ACCSL: variants seen among roughly 807,000 people sequenced by gnomAD.
ACCSL encodes probable inactive 1-aminocyclopropane-1-carboxylate synthase-like protein 2.
In ACCSL, 55 loss-of-function variants were observed where a neutral mutation model predicts 61.7. The observed-to-expected ratio is 0.89, with a 90% CI of 0.72 to 1.12. ACCSL has a LOEUF of 1.12. ACCSL is among the 50% of genes most tolerant of loss of function. The probability of loss-of-function intolerance (pLI) is 0.00; values close to 1 mark genes in which losing one functional copy is unlikely to be tolerated. For synonymous variants in ACCSL, 258 were observed against 264.3 expected (o/e 0.98, Z 0.23); for missense variants, 632 against 698.0 (o/e 0.91, Z 1.07).
the ACCSL span, among the ~76,000 whole-genome samples, chr11:43,922,738 C>T: frequency 1.3e-5 from 2 of 152,066 alleles, no homozygotes; most frequent in East Asian, 3.9e-4. Context: ...GGTCCTTTCT[C>T]ACCTCATTCT....
At chr11:44,000,725 A>AAAAGGAAGAAAGAAAGAAAG in the ACCSL span, among the ~76,000 whole-genome samples, 46 of 146,812 alleles carry the variant, frequency 3.1e-4, 1 homozygote, top group Middle Eastern at 6.9e-3. Context: ...TCTGCCTCAA[A>AAAAGGAAGAAAGAAAGAAAG]AAAGAAAGAA....
chr11:43,943,283 CCCGCGGGGGGGACGCGCGCGTCCGCGGT>C, the ACCSL span: 1 of 1,481,190 alleles, frequency 6.8e-7, no homozygotes, highest in African/African-American at 1.5e-5. The surrounding 1 kb of genome is among the most constrained non-coding windows in gnomAD (Gnocchi z 4.8). Context: ...AGGGGCGCCG[CCCGCGGGGGGGACGCGCGCGTCCGCGGT>C]CCGCGCGGGG....
chr11:43,996,711 C>T, the ACCSL span, among the ~76,000 whole-genome samples: 4 of 152,098 alleles, frequency 2.6e-5, no homozygotes, highest in African/African-American at 9.7e-5. Context: ...GAACCTCATT[C>T]CAGATGTTTC....
At chr11:43,943,608 G>T in the ACCSL span, 1 of 1,307,624 alleles carries the variant, frequency 7.6e-7, no homozygotes, top group Non-Finnish European at 1.0e-6. This position sits in a 1 kb window ranked among gnomAD's most constrained non-coding sequence, Gnocchi z 4.8. Context: ...GCCCTTGTCC[G>T]ATGGTTTGCA....
the ACCSL span, among the ~76,000 whole-genome samples, chr11:43,968,019 C>T: frequency 6.6e-6 from 1 of 152,152 alleles, no homozygotes; most frequent in East Asian, 1.9e-4. Context: ...GGTTCTCAAC[C>T]AGGGGCAATT....
At chr11:43,957,156 G>C in the ACCSL span, among the ~76,000 whole-genome samples, 1 of 152,188 alleles carries the variant, frequency 6.6e-6, no homozygotes, top group Non-Finnish European at 1.5e-5. Flanking sequence ...TACAGCCTCA[G>C]GAGAGCCTGA....
intron 1 of ACCSL, among the ~76,000 whole-genome samples, chr11:44,049,375 G>A (rs1052612843): frequency 2.8e-5 from 4 of 141,682 alleles, no homozygotes; most frequent in East Asian, 2.1e-4. Flanking sequence ...AGCTGAGATC[G>A]CGCCACTGCA....
At chr11:43,997,835 G>C in the ACCSL span, among the ~76,000 whole-genome samples, 1 of 152,204 alleles carries the variant, frequency 6.6e-6, no homozygotes, top group Non-Finnish European at 1.5e-5. Context: ...AGCAGCAGCA[G>C]CTCTGCGGTC....
chr11:43,996,998 A>G, the ACCSL span, among the ~76,000 whole-genome samples: 2 of 151,716 alleles, frequency 1.3e-5, no homozygotes, highest in Non-Finnish European at 2.9e-5. Context: ...TTTTTAGTAG[A>G]GACAGTTTCG....
the ACCSL span, among the ~76,000 whole-genome samples, chr11:44,016,188 G>A: frequency 3.9e-5 from 6 of 152,190 alleles, no homozygotes; most frequent in South Asian, 2.1e-4. Flanking sequence ...CTTTGGTACC[G>A]GTGGCTCAAT....
chr11:43,955,612 G>T, the ACCSL span, among the ~76,000 whole-genome samples: 4 of 152,092 alleles, frequency 2.6e-5, no homozygotes, highest in African/African-American at 9.7e-5. Flanking sequence ...AGGACTGGTG[G>T]GTGGGGTTCA....
At chr11:44,028,077 G>A in the ACCSL span, among the ~76,000 whole-genome samples, 1 of 152,054 alleles carries the variant, frequency 6.6e-6, no homozygotes, top group Admixed American at 6.6e-5. Flanking sequence ...CTAAAGGGAA[G>A]ATTGCCTGAG....
the ACCSL span, chr11:43,973,845 C>A: frequency 9.2e-5 from 14 of 152,132 alleles, no homozygotes; most frequent in Admixed American, 2.6e-4. Flanking sequence ...TTAAATGCAA[C>A]CCCCAACTCT....
At chr11:44,015,124 G>A in the ACCSL span, among the ~76,000 whole-genome samples, 4 of 152,228 alleles carry the variant, frequency 2.6e-5, no homozygotes, top group African/African-American at 7.2e-5. Flanking sequence ...AACACTCAGT[G>A]GCCAGCTAAT....
At chr11:44,015,607 G>A in the ACCSL span, among the ~76,000 whole-genome samples, 3 of 152,228 alleles carry the variant, frequency 2.0e-5, no homozygotes, top group Non-Finnish European at 2.9e-5. Context: ...CTAAGAGCCA[G>A]ACTAGTGGTG....
At chr11:43,937,529 C>A in the ACCSL span, among the ~76,000 whole-genome samples, 1 of 152,178 alleles carries the variant, frequency 6.6e-6, no homozygotes, top group South Asian at 2.1e-4. Flanking sequence ...CTAGAAACAT[C>A]CTTCTCTTGG....
the ACCSL span, among the ~76,000 whole-genome samples, chr11:43,971,056 G>A: frequency 3.3e-5 from 5 of 152,162 alleles, no homozygotes; most frequent in African/African-American, 1.2e-4. Context: ...AATATGGCCA[G>A]GCCCAGTGGC....
chr11:44,007,195 A>G, the ACCSL span, among the ~76,000 whole-genome samples: 1 of 152,216 alleles, frequency 6.6e-6, no homozygotes, highest in East Asian at 1.9e-4. Context: ...GGTTTTTGCC[A>G]GATCTGCCCA....
the ACCSL span, among the ~76,000 whole-genome samples, chr11:44,030,960 G>A: frequency 6.6e-6 from 1 of 152,148 alleles, no homozygotes; most frequent in Non-Finnish European, 1.5e-5. Flanking sequence ...GAGAGGTTAA[G>A]CAACATGCCC....
Sources: gnomAD v4.1 joint callset for allele counts (sites outside exome capture counted in the v4.1 genomes callset) on GRCh38, gnomAD v4.1.1 for gene constraint, Gnocchi (gnomAD v3.1) non-coding constraint, MANE v1.5 for transcripts, NCBI Gene and HGNC (gene_info 2026-07-23, HGNC 2026-07-21) for gene names.